The following CDKN3 variants were observed in gnomAD, a reference collection of about 807,000 sequenced individuals.
CDKN3 encodes cyclin-dependent kinase inhibitor 3.
In CDKN3, 19 loss-of-function variants were observed where a neutral mutation model predicts 36.1. The ratio of observed to expected loss-of-function variants is 0.53; its 90% CI spans 0.37 to 0.77. The LOEUF is 0.77. Among genes scored for constraint, CDKN3 ranks in the 30% least tolerant of loss-of-function variants. The probability of loss-of-function intolerance (pLI) is 0.00; values close to 1 mark genes in which losing one functional copy is unlikely to be tolerated. For missense variants in CDKN3, 188 were observed against 248.6 expected (o/e 0.76, Z 1.64); for synonymous variants, 71 against 85.3 (o/e 0.83, Z 0.92).
Position 54,402,309 on chromosome 14 carries a change from C to CGTGTGCGT in CDKN3, c.148+735_148+736insCGTGTGTG, listed in dbSNP as rs1555361561. ...AGTAGTATTCCATGGCATGTGTGTG[C>CGTGTGCGT]GTGTGTGTGTGTGTGTGTGTGTGTG... On this transcript the variant is annotated intron_variant, in intron 3 of 7. Coordinates refer to ENST00000335183, the MANE Select transcript of CDKN3 (RefSeq NM_005192.4). 2.0e-4 allele frequency among the ~76,000 whole-genome samples: 29 copies of CGTGTGCGT among 147,822 alleles called. No individual in the cohort carries two copies. The Middle Eastern group carries it at 0.011, about 54-fold the overall frequency.
intron 6 of CDKN3, among the ~76,000 whole-genome samples, chr14:54,416,335 T>G (rs1429680759): frequency 2.0e-5 from 3 of 152,230 alleles, no homozygotes; most frequent in Non-Finnish European, 2.9e-5. Context: ...AAAGAGTTCG[T>G]GAAATGCCAC....
At chr14:54,402,425 G>T (rs1221352043) in intron 3 of CDKN3, among the ~76,000 whole-genome samples, 4 of 151,806 alleles carry the variant, frequency 2.6e-5, no homozygotes, top group African/African-American at 9.7e-5. Context: ...ATTTGTTTAA[G>T]TTCCTTGTAG....
intron 3 of CDKN3, 164 bp from the exon 4 acceptor site, chr14:54,408,581 T>A: frequency 1.2e-6 from 1 of 823,540 alleles, no homozygotes; most frequent in Non-Finnish European, 1.8e-6. Context: ...CCTGTAATTA[T>A]ATTCCTAGAA....
At chr14:54,418,974 C>G (rs1396692072) in intron 7 of CDKN3, among the ~76,000 whole-genome samples, 1 of 152,096 alleles carries the variant, frequency 6.6e-6, no homozygotes, top group East Asian at 1.9e-4. Flanking sequence ...GCCTGGCCAA[C>G]ATAACGAAAC....
In CDKN3 at chr14:54,401,227, C is replaced by T. The variant is rs76688227; in HGVS notation, c.93-297C>T. Among the ~76,000 whole-genome samples, 251 of 151,438 alleles carry T rather than the reference C, an allele frequency of 1.7e-3. 2 individuals are homozygous for T. The highest frequency in any genetic ancestry group is 6.1e-3 in the African/African-American group (247 of 40,694). On this transcript the variant is annotated intron_variant, in intron 2 of 7. Transcript: ENST00000335183. Reference sequence around the variant, plus strand: ...TCCTGGACTCAAACAGCCTGCCTGCCTTGGCCTCTCTAAGTGCTGGGATCA... The same window carrying T: ...TCCTGGACTCAAACAGCCTGCCTGCTTTGGCCTCTCTAAGTGCTGGGATCA...
chr14:54,413,738 G>C, intron 5 of CDKN3: 1 of 1,524,130 alleles, frequency 6.6e-7, no homozygotes, highest in Non-Finnish European at 8.8e-7. Flanking sequence ...TCACTGACCT[G>C]TTGTCTACCA....
intron 5 of CDKN3, among the ~76,000 whole-genome samples, chr14:54,413,418 A>G (rs1457932954): frequency 6.6e-6 from 1 of 152,094 alleles, no homozygotes; most frequent in Admixed American, 6.5e-5. Flanking sequence ...CCAGAAATCA[A>G]ACTAGCTCTG....
At chr14:54,401,321 G>A (rs1175949553) in intron 2 of CDKN3, among the ~76,000 whole-genome samples, 1 of 152,062 alleles carries the variant, frequency 6.6e-6, no homozygotes, top group Admixed American at 6.5e-5. Flanking sequence ...AAGCAAATAA[G>A]TCCCTGTTTT....
At position 54,417,843 on chromosome 14, in the gene CDKN3, AT is replaced by A. The variant is rs1335527247; in HGVS notation, c.449-3del. The A allele has an allele frequency of 6.5e-7, 1 of 1,535,436 alleles. No individual in the cohort carries two copies. The highest frequency in any genetic ancestry group is 1.2e-5 in the South Asian group (1 of 85,540). On this transcript the variant is annotated splice_polypyrimidine_tract_variant and splice_region_variant and intron_variant, in intron 6 of 7. Transcript: ENST00000335183. ...ACATATTATTTTTCTGTCATGTTCCATTAGTAGCTGCTTGTCTCCTACTATA... is the reference window on the plus strand; with the variant it reads ...ACATATTATTTTTCTGTCATGTTCCATAGTAGCTGCTTGTCTCCTACTATA...
intron 2 of CDKN3, 26 bp from the exon 3 acceptor site, chr14:54,401,498 A>G (rs780541851): frequency 2.6e-6 from 4 of 1,567,912 alleles, no homozygotes; most frequent in Non-Finnish European, 3.5e-6. Context: ...ACTTAACTAA[A>G]CATGAAAAAT....
intron 7 of CDKN3, chr14:54,418,307 G>A: frequency 1.4e-6 from 1 of 700,294 alleles, no homozygotes; most frequent in Non-Finnish European, 2.6e-6. Context: ...TACAAACTTG[G>A]TACGTTCTTG....
chr14:54,406,022 A>G (rs1184769079), intron 3 of CDKN3, among the ~76,000 whole-genome samples: 2 of 152,190 alleles, frequency 1.3e-5, no homozygotes, highest in East Asian at 3.8e-4. Context: ...AGCTCTTGTA[A>G]GGCAGGCCTG....
chr14:54,408,358 G>T (rs1197479669), intron 3 of CDKN3, among the ~76,000 whole-genome samples: 3 of 152,200 alleles, frequency 2.0e-5, no homozygotes, highest in Non-Finnish European at 4.4e-5. Flanking sequence ...CAGCACTGGG[G>T]AACACACTTT....
intron 3 of CDKN3, among the ~76,000 whole-genome samples, chr14:54,403,401 G>A (rs1488030272): frequency 6.6e-6 from 1 of 152,216 alleles, no homozygotes; most frequent in African/African-American, 2.4e-5. Flanking sequence ...CATTGATTTT[G>A]TATCCTGAGA....
intron 1 of CDKN3, among the ~76,000 whole-genome samples, chr14:54,397,880 C>T (rs539593174): frequency 6.6e-6 from 1 of 152,310 alleles, no homozygotes; most frequent in Admixed American, 6.5e-5. Context: ...CCTGTAATCC[C>T]AACACTTTGG....
intron 5 of CDKN3, chr14:54,412,847 T>C (rs1180023657): frequency 3.9e-6 from 2 of 515,640 alleles, no homozygotes; most frequent in Non-Finnish European, 7.7e-6. Flanking sequence ...TAAGGTAGGG[T>C]ATTAAATAGT....
At chr14:54,403,822 T>G (rs2030049115) in intron 3 of CDKN3, among the ~76,000 whole-genome samples, 1 of 152,232 alleles carries the variant, frequency 6.6e-6, no homozygotes, top group Admixed American at 6.5e-5. Flanking sequence ...TGATTCTGTT[T>G]ATGTGATGGA....
intron 7 of CDKN3, 61 bp downstream of exon 7, chr14:54,418,012 C>A (rs111989176): frequency 4.0e-5 from 36 of 893,652 alleles, no homozygotes; most frequent in African/African-American, 3.5e-4. Flanking sequence ...AATACAGATT[C>A]ATGTGTAACC....
intron 5 of CDKN3, among the ~76,000 whole-genome samples, chr14:54,413,312 T>C (rs983028559): frequency 1.3e-5 from 2 of 151,972 alleles, no homozygotes; most frequent in African/African-American, 4.8e-5. Context: ...TGGGGAAAAA[T>C]ATTTTCCAAC....
Sources: gnomAD v4.1 joint callset for allele counts (sites outside exome capture counted in the v4.1 genomes callset) on GRCh38, gnomAD v4.1.1 for gene constraint, MANE v1.5 for transcripts, NCBI Gene and HGNC (gene_info 2026-07-23, HGNC 2026-07-21) for gene names.